CADPS2: variants seen among roughly 807,000 people sequenced by gnomAD.
CADPS2 encodes the protein calcium dependent secretion activator 2, also known as calcium-dependent secretion activator 2.
In CADPS2, 93 loss-of-function variants were observed where a neutral mutation model predicts 172.5. The ratio of observed to expected loss-of-function variants is 0.54; its 90% CI spans 0.46 to 0.64. The LOEUF is 0.64. Ranked by LOEUF, CADPS2 falls within the 30% of genes least tolerant of loss-of-function variation. The pLI is 0.00. For synonymous variants in CADPS2, 546 were observed against 555.2 expected (o/e 0.98, Z 0.23); for missense variants, 1,420 against 1,565.9 (o/e 0.91, Z 1.57).
chr7:122,460,452 C>G (rs2054308825), intron 14 of CADPS2, among the ~76,000 whole-genome samples: 1 of 151,548 alleles, frequency 6.6e-6, no homozygotes, highest in Non-Finnish European at 1.5e-5. Flanking sequence ...AAAATGGGAC[C>G]CTAGAATGGG....
chr7:122,534,928 C>T (rs531165108), intron 8 of CADPS2, among the ~76,000 whole-genome samples: 9 of 152,114 alleles, frequency 5.9e-5, no homozygotes, highest in Non-Finnish European at 1.2e-4. Context: ...AGGGATGTTT[C>T]TATAAACCAA....
At chr7:122,633,431 TG>T (rs1162682264) in intron 3 of CADPS2, among the ~76,000 whole-genome samples, 1 of 152,132 alleles carries the variant, frequency 6.6e-6, no homozygotes, top group Non-Finnish European at 1.5e-5. Flanking sequence ...GATGTATTCC[TG>T]GGTTTTTTGT....
chr7:122,405,365 T>C (rs1455484623), intron 20 of CADPS2, among the ~76,000 whole-genome samples: 2 of 151,950 alleles, frequency 1.3e-5, no homozygotes, highest in Non-Finnish European at 2.9e-5. Context: ...AAACTGGAAC[T>C]TAAAAATTGG....
At chr7:122,550,151 C>T (rs932357302) in intron 8 of CADPS2, among the ~76,000 whole-genome samples, 1 of 152,110 alleles carries the variant, frequency 6.6e-6, no homozygotes, top group African/African-American at 2.4e-5. Context: ...ACAAAGCAGC[C>T]GGTGTGGGGC....
chr7:122,535,498 G>A (rs552788186), intron 8 of CADPS2, among the ~76,000 whole-genome samples: 1 of 151,950 alleles, frequency 6.6e-6, no homozygotes, highest in South Asian at 2.1e-4. Context: ...ACTCTAAAAA[G>A]GTAATAGTAT....
At chr7:122,809,474 G>A (rs900425801) in intron 1 of CADPS2, among the ~76,000 whole-genome samples, 7 of 151,630 alleles carry the variant, frequency 4.6e-5, no homozygotes, top group Middle Eastern at 3.5e-3. Flanking sequence ...CCAGCTACTC[G>A]GGAGGCTGAG....
At chr7:122,754,801 GAATGT>G (rs1435702371) in intron 1 of CADPS2, among the ~76,000 whole-genome samples, 6 of 152,244 alleles carry the variant, frequency 3.9e-5, no homozygotes, top group African/African-American at 1.2e-4. Flanking sequence ...TTAATCTTAT[GAATGT>G]AATAACACAT....
chr7:122,587,706 T>A (rs1370460301), intron 6 of CADPS2, among the ~76,000 whole-genome samples: 2 of 152,144 alleles, frequency 1.3e-5, no homozygotes, highest in East Asian at 1.9e-4. Flanking sequence ...TGTGCATGTA[T>A]CTTTGTAACA....
chr7:122,642,513 G>A (rs1339670302), intron 3 of CADPS2, among the ~76,000 whole-genome samples: 2 of 148,390 alleles, frequency 1.3e-5, no homozygotes, highest in East Asian at 2.0e-4. Flanking sequence ...AATGTTAAAC[G>A]TAGCATAAAA....
intron 11 of CADPS2, among the ~76,000 whole-genome samples, chr7:122,488,535 T>C (rs2058039033): frequency 6.6e-6 from 1 of 152,218 alleles, no homozygotes; most frequent in South Asian, 2.1e-4. Context: ...ATGGACTTCA[T>C]TGCCAGGTGC....
chr7:122,799,587 G>C (rs1261449024), intron 1 of CADPS2, among the ~76,000 whole-genome samples: 1 of 140,746 alleles, frequency 7.1e-6, no homozygotes. Context: ...CTGGGTGACA[G>C]AGCCAGATTC....
At chr7:122,672,973 C>G (rs937250042) in intron 2 of CADPS2, among the ~76,000 whole-genome samples, 1 of 152,158 alleles carries the variant, frequency 6.6e-6, no homozygotes, top group Non-Finnish European at 1.5e-5. Flanking sequence ...GAGTTTCTTC[C>G]TTCTGGTGGG....
intron 25 of CADPS2, among the ~76,000 whole-genome samples, chr7:122,371,346 T>C (rs1334241735): frequency 2.6e-5 from 4 of 152,088 alleles, no homozygotes; most frequent in Admixed American, 2.6e-4. Context: ...GGGGAGGCCT[T>C]AGCAAACTTA....
At chr7:122,705,559 A>G in intron 2 of CADPS2, among the ~76,000 whole-genome samples, 1 of 104,388 alleles carries the variant, frequency 9.6e-6, no homozygotes, top group East Asian at 2.6e-4. Context: ...ATATATTTAT[A>G]TTATATATTA....
chr7:122,409,170 A>G (rs915767517), intron 19 of CADPS2, among the ~76,000 whole-genome samples: 3 of 152,236 alleles, frequency 2.0e-5, no homozygotes, highest in Admixed American at 1.3e-4. Flanking sequence ...AAAAGTATAC[A>G]TGATTTCATT....
At chr7:122,464,759 C>CA (rs964407706) in intron 14 of CADPS2, among the ~76,000 whole-genome samples, 6 of 152,112 alleles carry the variant, frequency 3.9e-5, no homozygotes, top group Non-Finnish European at 7.4e-5. Context: ...AAAAAACAGA[C>CA]AAAAAAATCC....
chr7:122,532,199 CT>C (rs2061823174), intron 8 of CADPS2, among the ~76,000 whole-genome samples: 2 of 151,982 alleles, frequency 1.3e-5, no homozygotes, highest in Non-Finnish European at 2.9e-5. Context: ...CAAATTGTTC[CT>C]TTTTGAGGAG....
intron 28 of CADPS2, among the ~76,000 whole-genome samples, chr7:122,334,041 C>T (rs1228600982): frequency 1.3e-5 from 2 of 152,006 alleles, no homozygotes; most frequent in African/African-American, 4.8e-5. Context: ...CTGTAGAAAT[C>T]ATTGAAAAGT....
At chr7:122,701,316 C>T (rs1197081124) in intron 2 of CADPS2, among the ~76,000 whole-genome samples, 1 of 152,172 alleles carries the variant, frequency 6.6e-6, no homozygotes, top group African/African-American at 2.4e-5. Flanking sequence ...TGGAAACCAT[C>T]ATTCTCAGCG....
Sources: gnomAD v4.1 joint callset for allele counts (sites outside exome capture counted in the v4.1 genomes callset) on GRCh38, gnomAD v4.1.1 for gene constraint, MANE v1.5 for transcripts, NCBI Gene and HGNC (gene_info 2026-07-23, HGNC 2026-07-21) for gene names.